Variants in SNTN observed in about 807,000 individuals in gnomAD.
SNTN encodes the protein sentan.
Under a neutral mutation model 12.3 loss-of-function variants are expected in SNTN, and 13 were observed. The ratio of observed to expected loss-of-function variants is 1.05; its 90% CI spans 0.69 to 1.67. SNTN has a LOEUF of 1.67. Among genes scored for constraint, SNTN ranks in the 40% most tolerant of loss-of-function variants. The pLI, the probability that SNTN is intolerant of heterozygous loss-of-function variation, is 0.00. For synonymous variants in SNTN, 69 were observed against 58.5 expected, an observed-to-expected ratio of 1.18 and a Z score of -0.82; for missense variants, 189 against 169.8, an observed-to-expected ratio of 1.11 and a Z score of -0.63.
chr3:63,665,105 T>C lies in SNTN; in HGVS notation c.*1010T>C, dbSNP rs977827406. On this transcript the variant is annotated 3_prime_UTR_variant, in exon 4 of 4. Coordinates refer to ENST00000343837, the MANE Select transcript of SNTN (RefSeq NM_001080537.2). ...GGTCTCCATTTTGATTGTGAGGTGG[T>C]GGCTACAAGATTGCATGCATTTGTC... 6.6e-6 allele frequency among the ~76,000 whole-genome samples: 1 copy of C among 152,118 alleles called. No individual in the cohort carries two copies. The highest frequency in any genetic ancestry group is 2.1e-4 in the South Asian group (1 of 4,822).
intron 3 of SNTN, among the ~76,000 whole-genome samples, chr3:63,660,447 G>C (rs1047933646): frequency 6.6e-6 from 1 of 152,166 alleles, no homozygotes; most frequent in Non-Finnish European, 1.5e-5. Context: ...ACTAGGGTTG[G>C]GGGTGGAATA....
chr3:63,658,057 G>T (rs988850723), intron 2 of SNTN, among the ~76,000 whole-genome samples: 1 of 151,978 alleles, frequency 6.6e-6, no homozygotes, highest in Non-Finnish European at 1.5e-5. Flanking sequence ...CGGCCTACAA[G>T]TCCTGCATGA....
At chr3:63,655,393 C>T (rs1700666817) in intron 2 of SNTN, among the ~76,000 whole-genome samples, 1 of 152,128 alleles carries the variant, frequency 6.6e-6, no homozygotes, top group South Asian at 2.1e-4. Flanking sequence ...CTGTACATTA[C>T]TATATTGCAG....
At chr3:63,658,430 A>AAT (rs1179696639) in intron 2 of SNTN, among the ~76,000 whole-genome samples, 1 of 148,702 alleles carries the variant, frequency 6.7e-6, no homozygotes, top group Non-Finnish European at 1.5e-5. Context: ...ATATATGTAA[A>AAT]ATATATATAA....
rs749116890 is a variant in SNTN, at chr3:63,664,007, A to AT, written c.360dup (p.Glu121Ter). On this transcript the variant is annotated frameshift_variant, in exon 4 of 4. Transcript: ENST00000343837. LOFTEE classifies it high-confidence loss of function. ...GATGAGCACACAGAAAATAAGCTAGATTTTGAAGACTTCATGATCTTGCTC... is the reference window on the plus strand; with the variant it reads ...GATGAGCACACAGAAAATAAGCTAGATTTTTGAAGACTTCATGATCTTGCTC... 81 of 1,613,966 alleles carry AT rather than the reference A, an allele frequency of 5.0e-5. No individual in the cohort carries two copies. The highest frequency in any genetic ancestry group is 6.7e-5 in the Non-Finnish European group (79 of 1,179,980).
intron 3 of SNTN, among the ~76,000 whole-genome samples, chr3:63,662,106 T>C (rs1272040936): frequency 6.6e-6 from 1 of 152,120 alleles, no homozygotes; most frequent in Non-Finnish European, 1.5e-5. Flanking sequence ...CAGAGCCATA[T>C]TTCAGGGACT....
At chr3:63,653,765 T>C (rs1700646354) in intron 1 of SNTN, among the ~76,000 whole-genome samples, 1 of 152,222 alleles carries the variant, frequency 6.6e-6, no homozygotes, top group Non-Finnish European at 1.5e-5. Context: ...GATATAACCA[T>C]GAAATAATTT....
intron 1 of SNTN, 124 bp from the exon 2 acceptor site, chr3:63,654,638 C>G: frequency 1.2e-6 from 1 of 826,690 alleles, no homozygotes; most frequent in Non-Finnish European, 1.9e-6. Flanking sequence ...GGCTGCTCCA[C>G]TAAAATCTCA....
intron 2 of SNTN, among the ~76,000 whole-genome samples, chr3:63,657,941 G>A (rs1361522050): frequency 1.3e-5 from 2 of 152,140 alleles, no homozygotes. Flanking sequence ...TCACCCACTT[G>A]TCTTCACTCT....
chr3:63,658,250 G>T (rs1161533471), intron 2 of SNTN, among the ~76,000 whole-genome samples: 3 of 151,812 alleles, frequency 2.0e-5, no homozygotes, highest in African/African-American at 4.8e-5. Flanking sequence ...TTCGTGGCTG[G>T]CTCCTCCTCA....
At chr3:63,662,703 T>C (rs537507944) in intron 3 of SNTN, among the ~76,000 whole-genome samples, 33 of 152,250 alleles carry the variant, frequency 2.2e-4, no homozygotes, top group Middle Eastern at 3.4e-3. Flanking sequence ...GGTGACCTCT[T>C]GAGGAGAAAC....
rs1024265913 is a variant in SNTN at position 63,664,998 on chromosome 3, C to T, written c.*903C>T. Reference sequence around the variant, plus strand: ...CTCGAACTCCTGACCTCAGGTGATCCGCCCACAGCCTCCCAAAGTGCTGGG... The same window carrying T: ...CTCGAACTCCTGACCTCAGGTGATCTGCCCACAGCCTCCCAAAGTGCTGGG... On this transcript the variant is annotated 3_prime_UTR_variant, in exon 4 of 4. Coordinates refer to ENST00000343837, the MANE Select transcript of SNTN (RefSeq NM_001080537.2). Among the ~76,000 whole-genome samples the T allele has an allele frequency of 3.9e-5, 6 of 151,946 alleles. No homozygotes were observed. Among genetic ancestry groups the T allele is most frequent in the African/African-American group, 1.5e-4 (6 of 41,364 alleles).
At chr3:63,658,782 C>T (rs967544008) in intron 2 of SNTN, among the ~76,000 whole-genome samples, 9 of 152,200 alleles carry the variant, frequency 5.9e-5, no homozygotes, top group East Asian at 3.9e-4. Context: ...TCATGTTATT[C>T]GGACTGAACA....
intron 2 of SNTN, among the ~76,000 whole-genome samples, chr3:63,658,401 A>AATATATATATAT (rs58847521): frequency 5.5e-4 from 68 of 123,138 alleles, no homozygotes; most frequent in South Asian, 3.2e-3. Flanking sequence ...ACAAGTTGTA[A>AATATATATATAT]ATATATATAT....
In SNTN at chr3:63,664,960, C is replaced by G. The variant is rs1287565764; in HGVS notation, c.*865C>G. On this transcript the variant is annotated 3_prime_UTR_variant, in exon 4 of 4. Transcript: ENST00000343837. The stretch of plus-strand genomic sequence containing the variant: ...TAGTGGAGACGGGGTTTCGCCATGT[C>G]GGCCAGGCTGGTCTCGAACTCCTGA... Among the ~76,000 whole-genome samples the G allele has an allele frequency of 2.6e-5, 4 of 151,772 alleles. No individual in the cohort carries two copies. Among genetic ancestry groups the G allele is most frequent in the African/African-American group, 9.7e-5 (4 of 41,316 alleles).
chr3:63,662,291 GT>G (rs1486552786), intron 3 of SNTN, among the ~76,000 whole-genome samples: 3 of 152,168 alleles, frequency 2.0e-5, no homozygotes, highest in African/African-American at 7.2e-5. Context: ...CCCATGTTGC[GT>G]CCCCTGATAA....
At chr3:63,662,968 CA>C (rs775291921) in intron 3 of SNTN, among the ~76,000 whole-genome samples, 1 of 152,102 alleles carries the variant, frequency 6.6e-6, no homozygotes, top group Non-Finnish European at 1.5e-5. Context: ...TATTTATGAA[CA>C]CTGTGAACAT....
chr3:63,663,681 T>G (rs1700767206), intron 3 of SNTN: 1 of 572,836 alleles, frequency 1.7e-6, no homozygotes, highest in Admixed American at 2.5e-5. Context: ...TGCTGTGTGA[T>G]CTGTTCATAC....
chr3:63,653,459 C>T (rs560617132), intron 1 of SNTN, among the ~76,000 whole-genome samples: 2 of 152,056 alleles, frequency 1.3e-5, no homozygotes, highest in Non-Finnish European at 2.9e-5. Flanking sequence ...AAGAAGACCA[C>T]GAAGGGTTCG....
Sources: allele counts gnomAD v4.1 joint callset (sites outside exome capture counted in the v4.1 genomes callset), GRCh38; gene constraint gnomAD v4.1.1; transcripts MANE v1.5; gene names NCBI Gene and HGNC (gene_info 2026-07-23, HGNC 2026-07-21).